ASPH: variants seen among roughly 807,000 people sequenced by gnomAD.
ASPH encodes the protein aspartyl/asparaginyl beta-hydroxylase.
A neutral mutation model predicts 118.4 loss-of-function variants in ASPH; 100 were observed. The ratio of observed to expected loss-of-function variants is 0.84; its 90% CI spans 0.72 to 1.00. The LOEUF (loss-of-function observed/expected upper bound fraction) is 1.00. Ranked by LOEUF, ASPH falls within the 50% of genes least tolerant of loss-of-function variation. The probability of loss-of-function intolerance (pLI) is 0.00; values close to 1 mark genes in which losing one functional copy is unlikely to be tolerated. For missense variants in ASPH, 920 were observed against 919.5 expected (o/e 1.00, Z -0.01); for synonymous variants, 315 against 325.6 (o/e 0.97, Z 0.35).
chr8:61,556,026 A>G lies in ASPH; in HGVS notation c.1438-4T>C. 1.2e-6 allele frequency: 2 copies of G among 1,612,608 alleles called. No homozygotes were observed. The highest frequency in any genetic ancestry group is 1.7e-6 in the Non-Finnish European group (2 of 1,179,102). On this transcript the variant is annotated splice_polypyrimidine_tract_variant and splice_region_variant and intron_variant, in intron 18 of 24. Coordinates refer to ENST00000379454, the MANE Select transcript of ASPH (RefSeq NM_004318.4). ...CATTAGGTGTCACACTCAGCACCTA[A>G]ACTCAAAGAAAACACAGAACATAAC...
chr8:61,559,035 T>C (rs1056085690), intron 18 of ASPH, among the ~76,000 whole-genome samples: 5 of 152,158 alleles, frequency 3.3e-5, no homozygotes, highest in Admixed American at 3.3e-4. Flanking sequence ...CAGTTTCTTT[T>C]TCTAATTTTT....
chr8:61,664,843 C>A, intron 3 of ASPH: 1 of 989,700 alleles, frequency 1.0e-6, no homozygotes, highest in Non-Finnish European at 1.2e-6. Flanking sequence ...GGGAAGAAAA[C>A]AACGAGCAAA....
chr8:61,519,882 A>G (rs78540874), intron 22 of ASPH, among the ~76,000 whole-genome samples: 16,984 of 152,234 alleles, frequency 0.11, 978 homozygotes, highest in Non-Finnish European at 0.13. Flanking sequence ...CTCTAGAACT[A>G]TAAGATAATA....
At chr8:61,685,811 C>T (rs2151708204) in intron 1 of ASPH, among the ~76,000 whole-genome samples, 1 of 149,008 alleles carries the variant, frequency 6.7e-6, no homozygotes, top group South Asian at 2.1e-4. Flanking sequence ...TTTTTTGAGA[C>T]ATGGTCTCCC....
chr8:61,644,197 C>T (rs368572936), intron 7 of ASPH, among the ~76,000 whole-genome samples, 196 bp from the exon 8 acceptor site: 1 of 152,244 alleles, frequency 6.6e-6, no homozygotes, highest in Non-Finnish European at 1.5e-5. Context: ...TAAGGGGGGC[C>T]TGTCATCAAC....
chr8:61,672,436 A>G (rs11990408), intron 3 of ASPH, among the ~76,000 whole-genome samples: 28,583 of 152,002 alleles, frequency 0.19, 2,829 homozygotes, highest in South Asian at 0.35. Context: ...TTTTGTTAGC[A>G]TAGGTTTGTT....
At chr8:61,697,591 C>A (rs1361829651) in intron 1 of ASPH, among the ~76,000 whole-genome samples, 1 of 152,176 alleles carries the variant, frequency 6.6e-6, no homozygotes, top group Non-Finnish European at 1.5e-5. Context: ...GAGTTCCCAA[C>A]ACCCCCTCCT....
At chr8:61,541,362 TA>T (rs374106525) in intron 21 of ASPH, among the ~76,000 whole-genome samples, 2 of 150,496 alleles carry the variant, frequency 1.3e-5, no homozygotes. Context: ...AGACTCCGTC[TA>T]AAAAAAAAGG....
At chr8:61,520,362 T>C (rs1812480289) in intron 22 of ASPH, among the ~76,000 whole-genome samples, 1 of 152,238 alleles carries the variant, frequency 6.6e-6, no homozygotes, top group African/African-American at 2.4e-5. Flanking sequence ...TAAAAGAGAC[T>C]GCTACATCTA....
At chr8:61,689,884 T>C in intron 1 of ASPH, 1 of 1,306,902 alleles carries the variant, frequency 7.7e-7, no homozygotes. Flanking sequence ...CACCAGTTAT[T>C]TTTAGAGGCT....
chr8:61,574,808 A>G (rs980732179), intron 16 of ASPH, among the ~76,000 whole-genome samples: 2 of 152,128 alleles, frequency 1.3e-5, no homozygotes, highest in Admixed American at 6.5e-5. Flanking sequence ...ACAAACCTCC[A>G]TGTTCTGCAC....
intron 15 of ASPH, among the ~76,000 whole-genome samples, chr8:61,577,421 A>AAAAAAAAAAAAAAAC (rs1197809235): frequency 6.7e-6 from 1 of 148,262 alleles, no homozygotes; most frequent in African/African-American, 2.5e-5. Flanking sequence ...AAAAAAAAAA[A>AAAAAAAAAAAAAAAC]AAGACAAGAC....
intron 21 of ASPH, among the ~76,000 whole-genome samples, chr8:61,526,442 T>C (rs1046937562): frequency 2.6e-5 from 4 of 152,216 alleles, no homozygotes; most frequent in Non-Finnish European, 5.9e-5. Flanking sequence ...TTGATCAGAT[T>C]ACATCAGTAC....
At chr8:61,651,203 G>A (rs1588671600) in intron 4 of ASPH, 79 bp from the exon 5 acceptor site, 2 of 1,171,436 alleles carry the variant, frequency 1.7e-6, no homozygotes, top group East Asian at 2.4e-5. Flanking sequence ...TATGACATTG[G>A]TACATACACA....
At chr8:61,638,923 T>C (rs1333925799) in intron 10 of ASPH, among the ~76,000 whole-genome samples, 1 of 152,222 alleles carries the variant, frequency 6.6e-6, no homozygotes, top group Non-Finnish European at 1.5e-5. Flanking sequence ...TCAGTCAACC[T>C]GATCTTCCAA....
At chr8:61,629,788 A>C (rs892825863) in intron 13 of ASPH, among the ~76,000 whole-genome samples, 4 of 152,210 alleles carry the variant, frequency 2.6e-5, no homozygotes, top group Non-Finnish European at 5.9e-5. Flanking sequence ...AACTGCTCTC[A>C]AATCTCTCAG....
At chr8:61,551,441 A>G (rs1825966125) in intron 20 of ASPH, among the ~76,000 whole-genome samples, 1 of 152,236 alleles carries the variant, frequency 6.6e-6, no homozygotes, top group Non-Finnish European at 1.5e-5. Context: ...GAGTTTCTAC[A>G]GGTTTGTTTC....
At chr8:61,567,819 T>C (rs1832246716) in intron 16 of ASPH, among the ~76,000 whole-genome samples, 1 of 152,220 alleles carries the variant, frequency 6.6e-6, no homozygotes, top group Admixed American at 6.5e-5. Context: ...AGGTACTATG[T>C]GTCTAACAGC....
In ASPH at chr8:61,671,870, A is replaced by G. The variant is rs1254506701; in HGVS notation, c.322+9098T>C. On this transcript the variant is annotated intron_variant, in intron 3 of 24. Coordinates refer to ENST00000379454, the MANE Select transcript of ASPH (RefSeq NM_004318.4). ...ATAGATCTGTGGTTACACCACATGC[A>G]ATAGACATGATTTTAGAAGACTGGC... 2.0e-5 allele frequency among the ~76,000 whole-genome samples: 3 copies of G among 152,262 alleles called. No individual in the cohort carries two copies. The East Asian group carries it at 5.8e-4, about 29-fold the overall frequency.
Sources: allele counts gnomAD v4.1 joint callset (sites outside exome capture counted in the v4.1 genomes callset), GRCh38; gene constraint gnomAD v4.1.1; transcripts MANE v1.5; gene names NCBI Gene and HGNC (gene_info 2026-07-23, HGNC 2026-07-21).